The following NGLY1 variants were observed in gnomAD, a reference collection of about 807,000 sequenced individuals.
NGLY1 encodes N-glycanase 1.
NGLY1 carries 68 observed loss-of-function variants against 84.6 expected under a neutral mutation model. The ratio of observed to expected loss-of-function variants is 0.80; its 90% CI spans 0.66 to 0.98. The LOEUF (loss-of-function observed/expected upper bound fraction) is 0.98, where lower values mean the gene tolerates loss of function less well. Among genes scored for constraint, NGLY1 ranks in the 50% least tolerant of loss-of-function variants. NGLY1 has a pLI of 0.00. For missense variants in NGLY1, 779 were observed against 770.2 expected (o/e 1.01, Z -0.14); for synonymous variants, 280 against 275.2 (o/e 1.02, Z -0.17).
At position 25,739,795 on chromosome 3, in the gene NGLY1, G is replaced by A. The variant is rs373934325; in HGVS notation, c.663C>T (p.Ile221=). 1.7e-5 allele frequency: 27 copies of A among 1,611,988 alleles called. No homozygotes were observed. In the African/African-American group the frequency reaches 2.9e-4, roughly 18 times the overall value. Residue 221 remains isoleucine (I), a synonymous_variant, in exon 5 of 12, where the codon ATC becomes ATT. Coordinates refer to ENST00000280700, the MANE Select transcript of NGLY1 (RefSeq NM_018297.4). ...LSRARKLDKG[I]NISDEDFLLL... is the part of the protein sequence containing the mutation. ...AAAGAAAATCCTCATCACTTATATTGATACCTGAGAAATTAAGGGAGGACC... is the reference window on the plus strand; with the variant it reads ...AAAGAAAATCCTCATCACTTATATTAATACCTGAGAAATTAAGGGAGGACC...
At chr3:25,745,857 C>T (rs1028115396) in intron 4 of NGLY1, among the ~76,000 whole-genome samples, 2 of 152,134 alleles carry the variant, frequency 1.3e-5, no homozygotes, top group African/African-American at 4.8e-5. Flanking sequence ...TCGAGAACAC[C>T]TGAGAAATTA....
At chr3:25,766,175 C>G (rs986077926) in intron 2 of NGLY1, among the ~76,000 whole-genome samples, 1 of 151,728 alleles carries the variant, frequency 6.6e-6, no homozygotes, top group Non-Finnish European at 1.5e-5. Flanking sequence ...AAGCAATTCT[C>G]CTGCCTCAGT....
chr3:25,778,786 T>C (rs1208899609), intron 1 of NGLY1, 98 bp from the exon 2 acceptor site: 5 of 552,992 alleles, frequency 9.0e-6, no homozygotes, highest in Admixed American at 3.4e-5. Flanking sequence ...TATACCTTTA[T>C]AGTCACCTGA....
chr3:25,719,436 A>C lies in NGLY1; in HGVS notation c.*24T>G. On this transcript the variant is annotated 3_prime_UTR_variant, in exon 12 of 12. Transcript: ENST00000280700. The stretch of plus-strand genomic sequence containing the variant: ...CTTCAGTAAGTCCTTGATTATTGCC[A>C]GCTTTTCTATAATGTTCAGGTTCTC... The C allele has an allele frequency of 6.2e-7, 1 of 1,606,644 alleles. No homozygotes were observed. The highest frequency in any genetic ancestry group is 8.5e-7 in the Non-Finnish European group (1 of 1,174,380).
intron 2 of NGLY1, among the ~76,000 whole-genome samples, chr3:25,772,092 T>A (rs1386787087): frequency 1.3e-5 from 2 of 152,192 alleles, no homozygotes; most frequent in Non-Finnish European, 2.9e-5. Context: ...AAAGTGGGCA[T>A]CCTTGTCTTG....
chr3:25,787,658 A>G (rs1422520309), upstream of NGLY1, among the ~76,000 whole-genome samples: 1 of 152,206 alleles, frequency 6.6e-6, no homozygotes, highest in East Asian at 1.9e-4. Flanking sequence ...AGGAGTTTAG[A>G]ATCAATAAAA....
chr3:25,735,912 T>C lies in NGLY1; in HGVS notation c.1149+92A>G, dbSNP rs1301787658. 3 of 1,088,128 alleles carry C rather than the reference T, an allele frequency of 2.8e-6. No homozygotes were observed. In the African/African-American group the frequency reaches 4.8e-5, roughly 17 times the overall value. The allele number at this position is 1,088,128 out of a possible 1,614,324, so 67.4% of individuals were successfully genotyped here. A position where few individuals can be genotyped will look rare whatever the true frequency, so the allele number is the denominator to read the frequency against. On this transcript the variant is annotated intron_variant, in intron 7 of 11. Coordinates refer to ENST00000280700, the MANE Select transcript of NGLY1 (RefSeq NM_018297.4). ...CTGTACAATTTAAATATATGCAGGT[T>C]ATTGTATGTTAATTATACATTCATG... is the stretch of plus-strand genomic sequence containing the variant.
At chr3:25,754,905 A>AT in intron 3 of NGLY1, 1 of 696,516 alleles carries the variant, frequency 1.4e-6, no homozygotes, top group Non-Finnish European at 2.6e-6. Flanking sequence ...CTCTCTCCGG[A>AT]TAACGAGTGG....
intron 4 of NGLY1, among the ~76,000 whole-genome samples, chr3:25,746,070 GCT>G (rs1355418786): frequency 1.3e-5 from 2 of 152,052 alleles, no homozygotes; most frequent in Admixed American, 6.6e-5. Context: ...GGTATACACT[GCT>G]CTGTCTGAAA....
At chr3:25,783,462 G>A (rs963093720), upstream of NGLY1, 166 of 1,367,938 alleles carry the variant, frequency 1.2e-4, no homozygotes, top group Non-Finnish European at 1.4e-4. The surrounding 1 kb of genome is among the most constrained non-coding windows in gnomAD (Gnocchi z 4.5). Context: ...GCCTCAGCGC[G>A]CAGCAGCTAC....
intron 2 of NGLY1, among the ~76,000 whole-genome samples, chr3:25,770,648 G>A (rs1372469062): frequency 6.6e-6 from 1 of 152,172 alleles, no homozygotes; most frequent in East Asian, 1.9e-4. Flanking sequence ...TCTCCATGCT[G>A]TTTTCCATAG....
chr3:25,750,069 TCA>T (rs1412019386), intron 4 of NGLY1, among the ~76,000 whole-genome samples: 1 of 152,106 alleles, frequency 6.6e-6, no homozygotes, highest in Non-Finnish European at 1.5e-5. Context: ...TTTAATTGAC[TCA>T]CAGTTCCACA....
chr3:25,724,568 T>C (rs970541180), intron 10 of NGLY1, among the ~76,000 whole-genome samples: 1 of 152,198 alleles, frequency 6.6e-6, no homozygotes. Context: ...GAAACTTTCA[T>C]GGTTGCCTAT....
intron 3 of NGLY1, among the ~76,000 whole-genome samples, chr3:25,758,569 C>A (rs931232312): frequency 9.2e-5 from 14 of 152,052 alleles, no homozygotes; most frequent in Non-Finnish European, 1.6e-4. Context: ...CAAAGTGAGA[C>A]CCTGTCTCAA....
At chr3:25,774,371 C>T (rs544870472) in intron 2 of NGLY1, among the ~76,000 whole-genome samples, 2 of 152,218 alleles carry the variant, frequency 1.3e-5, no homozygotes, top group African/African-American at 4.8e-5. Flanking sequence ...CATAGAGTTC[C>T]CAAGAGATTA....
chr3:25,755,610 A>G, intron 3 of NGLY1: 1 of 1,494,354 alleles, frequency 6.7e-7, no homozygotes, highest in Non-Finnish European at 9.3e-7. Context: ...TTCATCATAG[A>G]ACACAGCCAA....
At chr3:25,755,756 A>C in intron 3 of NGLY1, 1 of 867,012 alleles carries the variant, frequency 1.2e-6, no homozygotes, top group Non-Finnish European at 1.8e-6. Flanking sequence ...AGAATATTCT[A>C]GATCTTCTCG....
intron 8 of NGLY1, among the ~76,000 whole-genome samples, 175 bp from the exon 9 acceptor site, chr3:25,732,658 A>G (rs1705600338): frequency 6.6e-6 from 1 of 152,192 alleles, no homozygotes; most frequent in African/African-American, 2.4e-5. Flanking sequence ...GAAAACTTAA[A>G]TAATTTTATA....
chr3:25,747,345 T>C (rs572945178), intron 4 of NGLY1, among the ~76,000 whole-genome samples: 1 of 152,202 alleles, frequency 6.6e-6, no homozygotes, highest in Non-Finnish European at 1.5e-5. Flanking sequence ...AACATTCTTA[T>C]TGTACACACA....
Sources: gnomAD v4.1 joint callset for allele counts (sites outside exome capture counted in the v4.1 genomes callset) on GRCh38, gnomAD v4.1.1 for gene constraint, Gnocchi (gnomAD v3.1) non-coding constraint, MANE v1.5 for transcripts, NCBI Gene and HGNC (gene_info 2026-07-23, HGNC 2026-07-21) for gene names.